Variants in MYOZ2 observed in about 807,000 individuals in gnomAD.
MYOZ2 encodes myozenin 2.
A neutral mutation model predicts 25.4 loss-of-function variants in MYOZ2; 19 were observed. That is an observed-to-expected ratio of 0.75 (90% CI 0.52 to 1.10). The LOEUF is 1.10. Among genes scored for constraint, MYOZ2 ranks in the 50% least tolerant of loss-of-function variants. The pLI, the probability that MYOZ2 is intolerant of heterozygous loss-of-function variation, is 0.00. For missense variants in MYOZ2, 270 were observed against 317.9 expected, an observed-to-expected ratio of 0.85 and a Z score of 1.15; for synonymous variants, 92 against 106.9, an observed-to-expected ratio of 0.86 and a Z score of 0.86.
intron 2 of MYOZ2, among the ~76,000 whole-genome samples, chr4:119,147,756 A>ATAAATC: frequency 1.1e-5 from 1 of 91,594 alleles, no homozygotes; most frequent in Admixed American, 1.3e-4. Flanking sequence ...AAAAAAAAAA[A>ATAAATC]ATCTACTTTG....
chr4:119,138,073 C>CT (rs1348087185), intron 2 of MYOZ2, among the ~76,000 whole-genome samples: 18 of 151,726 alleles, frequency 1.2e-4, no homozygotes, highest in Middle Eastern at 6.8e-3. Flanking sequence ...GTTTTTTTTC[C>CT]TTTTTTTTAT....
At chr4:119,155,593 G>A (rs187233286) in intron 3 of MYOZ2, among the ~76,000 whole-genome samples, 45 of 152,272 alleles carry the variant, frequency 3.0e-4, no homozygotes, top group African/African-American at 9.6e-4. Flanking sequence ...GGGCTGAGGA[G>A]GGCAGAGGGT....
chr4:119,150,755 A>G (rs1370392765), intron 2 of MYOZ2, 117 bp from the exon 3 acceptor site: 7 of 1,019,858 alleles, frequency 6.9e-6, no homozygotes, highest in Admixed American at 4.4e-5. Context: ...GAGAAAATAA[A>G]TGACATACTT....
chr4:119,173,864 G>C (rs564820129), intron 5 of MYOZ2, among the ~76,000 whole-genome samples: 1 of 152,312 alleles, frequency 6.6e-6, no homozygotes, highest in East Asian at 1.9e-4. Flanking sequence ...TGGGCTTGGC[G>C]GGCCCCGCAC....
intron 5 of MYOZ2, among the ~76,000 whole-genome samples, chr4:119,165,452 A>C (rs1398940349): frequency 6.6e-6 from 1 of 152,082 alleles, no homozygotes; most frequent in Non-Finnish European, 1.5e-5. Context: ...TGGAAGTTGC[A>C]GTGAGCTGAA....
chr4:119,163,222 C>CT (rs144631258), intron 4 of MYOZ2, among the ~76,000 whole-genome samples: 2,901 of 150,486 alleles, frequency 0.019, 94 homozygotes, highest in African/African-American at 0.067. Context: ...CAGGAAGGGG[C>CT]TTTTTTTTTG....
At chr4:119,161,754 A>G (rs183754860) in intron 4 of MYOZ2, among the ~76,000 whole-genome samples, 5 of 152,308 alleles carry the variant, frequency 3.3e-5, no homozygotes, top group Admixed American at 2.6e-4. Flanking sequence ...CCCTTAAAAT[A>G]ATTATGAACA....
intron 5 of MYOZ2, among the ~76,000 whole-genome samples, chr4:119,166,740 G>A (rs1741834278): frequency 6.6e-6 from 1 of 152,116 alleles, no homozygotes; most frequent in South Asian, 2.1e-4. Flanking sequence ...CCAACATCAT[G>A]TGCTCACTTT....
intron 5 of MYOZ2, among the ~76,000 whole-genome samples, chr4:119,180,699 G>A (rs1398662183): frequency 3.3e-5 from 5 of 151,986 alleles, no homozygotes; most frequent in South Asian, 2.1e-4. Flanking sequence ...GATTACAGGC[G>A]CCTGTCTCCA....
intron 2 of MYOZ2, among the ~76,000 whole-genome samples, chr4:119,143,662 T>C (rs1741223745): frequency 1.3e-5 from 2 of 152,198 alleles, no homozygotes; most frequent in African/African-American, 2.4e-5. Context: ...CAGGATAGTT[T>C]CTCGGCCCTA....
At chr4:119,183,246 A>G (rs1165199751) in intron 5 of MYOZ2, among the ~76,000 whole-genome samples, 4 of 152,132 alleles carry the variant, frequency 2.6e-5, no homozygotes, top group African/African-American at 9.7e-5. Flanking sequence ...AATGAAAGAT[A>G]TAAAATAGGA....
At chr4:119,160,054 C>A (rs1440437548) in intron 4 of MYOZ2, among the ~76,000 whole-genome samples, 2 of 152,142 alleles carry the variant, frequency 1.3e-5, no homozygotes, top group Non-Finnish European at 2.9e-5. Flanking sequence ...TGGCTCTTCC[C>A]ATTTTACTAC....
chr4:119,174,433 A>C (rs1742012451), intron 5 of MYOZ2, among the ~76,000 whole-genome samples: 1 of 151,796 alleles, frequency 6.6e-6, no homozygotes, highest in South Asian at 2.1e-4. Flanking sequence ...GCCTTGGAGA[A>C]CCTTTATGTC....
intron 4 of MYOZ2, among the ~76,000 whole-genome samples, chr4:119,161,626 A>G (rs1169665738): frequency 6.6e-6 from 1 of 152,162 alleles, no homozygotes; most frequent in Admixed American, 6.5e-5. Context: ...CATTATCAAA[A>G]AAGAAAAAAG....
chr4:119,165,985 A>G (rs1487495705), intron 5 of MYOZ2, among the ~76,000 whole-genome samples: 2 of 152,124 alleles, frequency 1.3e-5, no homozygotes, highest in African/African-American at 2.4e-5. Flanking sequence ...CAGGAAATGT[A>G]GCTCCCTGTG....
At chr4:119,185,655 A>G (rs1253761783) in intron 5 of MYOZ2, among the ~76,000 whole-genome samples, 2 of 152,236 alleles carry the variant, frequency 1.3e-5, no homozygotes, top group African/African-American at 4.8e-5. Flanking sequence ...TGGTAAAAGT[A>G]CAAAGGCAAG....
chr4:119,183,616 T>G (rs1022069756), intron 5 of MYOZ2, among the ~76,000 whole-genome samples: 6 of 152,182 alleles, frequency 3.9e-5, no homozygotes, highest in African/African-American at 1.4e-4. Context: ...TTGCTAAAAC[T>G]CTAAAGGTAG....
chr4:119,185,133 TTTTC>T (rs1407102323), intron 5 of MYOZ2, among the ~76,000 whole-genome samples: 39 of 148,078 alleles, frequency 2.6e-4, no homozygotes, highest in African/African-American at 9.4e-4. Flanking sequence ...TTCCCTTTCC[TTTTC>T]TTTTTTTCCT....
chr4:119,176,087 T>C (rs896074250), intron 5 of MYOZ2, among the ~76,000 whole-genome samples: 7 of 152,210 alleles, frequency 4.6e-5, no homozygotes, highest in African/African-American at 9.6e-5. Context: ...TTTCCTCATG[T>C]TTCACCGTCT....
Sources: gnomAD v4.1 joint callset for allele counts (sites outside exome capture counted in the v4.1 genomes callset) on GRCh38, gnomAD v4.1.1 for gene constraint, MANE v1.5 for transcripts, NCBI Gene and HGNC (gene_info 2026-07-23, HGNC 2026-07-21) for gene names.